Variants in PRUNE2 observed in about 807,000 individuals in gnomAD.
The protein encoded by PRUNE2 is prune homolog 2 with BCH domain, also known as protein prune homolog 2.
Under a neutral mutation model 252.0 loss-of-function variants are expected in PRUNE2, and 164 were observed. That is an observed-to-expected ratio of 0.65 (90% CI 0.57 to 0.74). The LOEUF (loss-of-function observed/expected upper bound fraction) is 0.74, where lower values mean the gene tolerates loss of function less well. Among genes scored for constraint, PRUNE2 ranks in the 30% least tolerant of loss-of-function variants. The pLI is 0.00. For synonymous variants in PRUNE2, 1,292 were observed against 1,350.2 expected (o/e 0.96, Z 0.94); for missense variants, 3,495 against 3,711.0 (o/e 0.94, Z 1.51).
chr9:76,753,452 A>G (rs1490062234), intron 6 of PRUNE2, among the ~76,000 whole-genome samples: 3 of 152,186 alleles, frequency 2.0e-5, no homozygotes, highest in Non-Finnish European at 2.9e-5. Context: ...AAAATTTTTA[A>G]AAAGCTCTTG....
intron 9 of PRUNE2, among the ~76,000 whole-genome samples, chr9:76,677,470 A>G (rs2042800227): frequency 6.6e-6 from 1 of 152,228 alleles, no homozygotes; most frequent in Non-Finnish European, 1.5e-5. Context: ...GAGGCAGAGA[A>G]TGAAACATTT....
intron 4 of PRUNE2, among the ~76,000 whole-genome samples, chr9:76,832,300 T>C (rs2058713667): frequency 6.6e-6 from 1 of 152,108 alleles, no homozygotes; most frequent in African/African-American, 2.4e-5. Flanking sequence ...CCAACAGTGG[T>C]GGACTATACT....
At chr9:76,864,398 C>T (rs1353472897) in intron 1 of PRUNE2, among the ~76,000 whole-genome samples, 1 of 151,978 alleles carries the variant, frequency 6.6e-6, no homozygotes, top group African/African-American at 2.4e-5. Flanking sequence ...CTCAGCAGCA[C>T]CTAATACACC....
chr9:76,728,955 T>G (rs773451641), intron 6 of PRUNE2, among the ~76,000 whole-genome samples: 1 of 152,238 alleles, frequency 6.6e-6, no homozygotes, highest in African/African-American at 2.4e-5. Context: ...ACAACTCCAT[T>G]AACAGTAAGT....
rs2132633446 is a variant in PRUNE2 at position 76,854,174 on chromosome 9, A to ATTGGG, written c.70_71insCCCAA (p.Val24AlafsTer24). 1 of 1,602,096 alleles carries ATTGGG rather than the reference A, an allele frequency of 6.2e-7. No homozygotes were observed. Among genetic ancestry groups the ATTGGG allele is most frequent in the African/African-American group, 1.3e-5 (1 of 74,914 alleles). On this transcript the variant is annotated frameshift_variant, in exon 2 of 19. Coordinates refer to ENST00000376718, the MANE Select transcript of PRUNE2 (RefSeq NM_015225.3). LOFTEE classifies it high-confidence loss of function. Reference sequence around the variant, plus strand: ...CAAGTCACACGATTTAGGCCCAATAACCACATGGACCTTCTCCAAGCGTTT... The same window carrying ATTGGG: ...CAAGTCACACGATTTAGGCCCAATAATTGGGCCACATGGACCTTCTCCAAGCGTTT...
chr9:76,855,082 A>AAAAAATATAT (rs1490285240), intron 1 of PRUNE2, among the ~76,000 whole-genome samples: 4 of 109,438 alleles, frequency 3.7e-5, no homozygotes, highest in African/African-American at 1.5e-4. Flanking sequence ...AAAAAAAAAA[A>AAAAAATATAT]ATATATATAT....
At position 76,787,759 on chromosome 9, in the gene PRUNE2, C is replaced by T. The variant is rs139343850; in HGVS notation, c.756+35873G>A. Among the ~76,000 whole-genome samples the T allele has an allele frequency of 5.0e-3, 766 of 152,300 alleles. 5 individuals are homozygous for T. Among genetic ancestry groups the T allele is most frequent in the African/African-American group, 0.018 (728 of 41,554 alleles). On this transcript the variant is annotated intron_variant, in intron 6 of 18. Transcript: ENST00000376718. ...GGCCTGTTAATAGCAATGGCCTCCA[C>T]GATGCTTTCATGGTCACTAGACAGT...
intron 9 of PRUNE2, among the ~76,000 whole-genome samples, chr9:76,684,448 C>CCCTT (rs2043845989): frequency 6.6e-6 from 1 of 152,174 alleles, no homozygotes; most frequent in African/African-American, 2.4e-5. Flanking sequence ...TCCCTGTGCT[C>CCCTT]CCTTCCTGTC....
At chr9:76,659,087 T>C (rs537845701) in intron 9 of PRUNE2, among the ~76,000 whole-genome samples, 22 of 152,366 alleles carry the variant, frequency 1.4e-4, no homozygotes, top group African/African-American at 5.3e-4. Flanking sequence ...TCGGCCAGGC[T>C]GTGTCCCGAG....
At chr9:76,694,388 G>A (rs1460218143) in intron 9 of PRUNE2, among the ~76,000 whole-genome samples, 1 of 152,044 alleles carries the variant, frequency 6.6e-6, no homozygotes, top group Non-Finnish European at 1.5e-5. Flanking sequence ...TCACCATATT[G>A]GCCAGGCTGG....
chr9:76,617,650 A>C (rs1830349505), intron 18 of PRUNE2, among the ~76,000 whole-genome samples: 1 of 152,196 alleles, frequency 6.6e-6, no homozygotes, highest in African/African-American at 2.4e-5. Context: ...TGTTCTTCTA[A>C]AAAGTGGGAA....
At chr9:76,753,962 G>A (rs1190793636) in intron 6 of PRUNE2, among the ~76,000 whole-genome samples, 1 of 151,786 alleles carries the variant, frequency 6.6e-6, no homozygotes, top group East Asian at 1.9e-4. Flanking sequence ...CACCATACAG[G>A]CAGGGCTGAG....
intron 12 of PRUNE2, chr9:76,641,824 C>A: frequency 2.1e-6 from 2 of 965,506 alleles, no homozygotes; most frequent in South Asian, 1.9e-5. Flanking sequence ...AGGGATGTAA[C>A]ACAAGTTTGC....
At position 76,707,694 on chromosome 9, in the gene PRUNE2, G is replaced by A. The variant is rs773882315; in HGVS notation, c.4580C>T (p.Ser1527Leu). 17 of 1,613,714 alleles carry A rather than the reference G, an allele frequency of 1.1e-5. No individual in the cohort carries two copies. The highest frequency in any genetic ancestry group is 2.7e-5 in the African/African-American group (2 of 74,890). ...GSENSLPGAG[S>L]SGNFDRDTIS... ...AGTATCTCTGTCAAAATTTCCAGAC[G>A]AACCGGCTCCTGGAAGGCTATTTTC... The change falls in exon 8 of 19, where the codon TCG (serine) becomes TTG (leucine). Residue 1527 changes from serine (S) to leucine (L), a missense_variant. By Grantham distance (145) the Ser-to-Leu change is moderately radical (BLOSUM62 -2). Coordinates refer to ENST00000376718, the MANE Select transcript of PRUNE2 (RefSeq NM_015225.3).
intron 1 of PRUNE2, among the ~76,000 whole-genome samples, chr9:76,897,436 G>C (rs1256972427): frequency 3.8e-5 from 4 of 104,704 alleles, no homozygotes; most frequent in Non-Finnish European, 7.0e-5. Flanking sequence ...TTGAGATGGA[G>C]TCTCGCTCTG....
intron 10 of PRUNE2, 95 bp downstream of exon 10, chr9:76,655,328 T>C (rs1403265348): frequency 1.1e-6 from 1 of 902,434 alleles, no homozygotes; most frequent in African/African-American, 1.7e-5. Flanking sequence ...ACTGAAATCA[T>C]AAGTTAGATG....
chr9:76,799,427 GTAAAATT>G (rs1457690295), intron 6 of PRUNE2, among the ~76,000 whole-genome samples: 2 of 151,748 alleles, frequency 1.3e-5, no homozygotes, highest in Non-Finnish European at 2.9e-5. Flanking sequence ...TGATCAATAT[GTAAAATT>G]TATTTTTGCC....
intron 6 of PRUNE2, among the ~76,000 whole-genome samples, chr9:76,789,239 G>A (rs1295286462): frequency 2.6e-5 from 4 of 152,160 alleles, no homozygotes; most frequent in Non-Finnish European, 4.4e-5. Context: ...TACCTGTGAC[G>A]ATGGGCTTCA....
chr9:76,814,056 C>T (rs2057530102), intron 6 of PRUNE2, among the ~76,000 whole-genome samples: 1 of 152,206 alleles, frequency 6.6e-6, no homozygotes, highest in Non-Finnish European at 1.5e-5. Flanking sequence ...TCAGGTGATC[C>T]ACCCGCCTCG....
Sources: gnomAD v4.1 joint callset for allele counts (sites outside exome capture counted in the v4.1 genomes callset) on GRCh38, gnomAD v4.1.1 for gene constraint, MANE v1.5 for transcripts, NCBI Gene and HGNC (gene_info 2026-07-23, HGNC 2026-07-21) for gene names.